Variants in WDR27 observed in about 807,000 individuals in gnomAD.
WDR27 encodes the protein WD repeat-containing protein 27.
Under a neutral mutation model 114.4 loss-of-function variants are expected in WDR27, and 100 were observed. The ratio of observed to expected loss-of-function variants is 0.87; its 90% CI spans 0.74 to 1.03. The LOEUF (loss-of-function observed/expected upper bound fraction) is 1.03, where lower values mean the gene tolerates loss of function less well. Ranked by LOEUF, WDR27 falls within the 50% of genes least tolerant of loss-of-function variation. WDR27 has a pLI of 0.00. For missense variants in WDR27, 1,129 were observed against 1,092.9 expected (o/e 1.03, Z -0.47); for synonymous variants, 449 against 423.1 (o/e 1.06, Z -0.75).
At chr6:169,588,218 T>C (rs1396136232) in intron 23 of WDR27, among the ~76,000 whole-genome samples, 1 of 152,142 alleles carries the variant, frequency 6.6e-6, no homozygotes, top group East Asian at 1.9e-4. Flanking sequence ...AGGACAGGAG[T>C]GCTGGAGGGA....
At chr6:169,632,790 G>A (rs941342434) in intron 21 of WDR27, among the ~76,000 whole-genome samples, 157 bp downstream of exon 21, 3 of 152,148 alleles carry the variant, frequency 2.0e-5, no homozygotes, top group Non-Finnish European at 2.9e-5. Context: ...ATCTCCTAGG[G>A]TCAAACATCA....
chr6:169,435,342 A>C, the WDR27 span, among the ~76,000 whole-genome samples: 2 of 152,180 alleles, frequency 1.3e-5, no homozygotes, highest in Admixed American at 1.3e-4. Flanking sequence ...AGCTGTGAGA[A>C]AAGGGACCAT....
Position 169,638,587 on chromosome 6 carries a change from C to G in WDR27, c.1821G>C (p.Gly607=). ...CACGAGCCGACCACATTCGCAGGGT[C>G]CCGTCCCGGGCCGCAGAGAGCAGCC... ...RRWLLSAARD[G]TLRMWSARGA... The change falls in exon 18 of 26, where the codon GGG becomes GGC. Residue 607 remains glycine (G), a synonymous_variant. Transcript: ENST00000448612. 6.2e-7 allele frequency: 1 copy of G among 1,610,288 alleles called. No individual in the cohort carries two copies.
rs189652264 is a variant in WDR27 at position 169,634,481 on chromosome 6, G to C, written c.2048C>G (p.Thr683Arg). 2.7e-5 allele frequency: 43 copies of C among 1,613,034 alleles called. No homozygotes were observed. The South Asian group carries it at 4.6e-4, about 17-fold the overall frequency. ...ACTGGTCATGTCTACTGCACCCGTC[G>C]TGGAGAGCCTGCAAATCAGCTTGGA... Reference protein sequence around the residue: ...SKSKLICRLSTTGAVDMTSLS... With the variant: ...SKSKLICRLSRTGAVDMTSLS... The change falls in exon 20 of 26, where the codon ACG (threonine) becomes AGG (arginine). Residue 683 changes from threonine to arginine, a missense_variant. Physicochemically the swap from Thr to Arg is moderately conservative, Grantham distance 71. Transcript: ENST00000448612.
intron 21 of WDR27, among the ~76,000 whole-genome samples, chr6:169,615,839 C>G (rs777851612): frequency 2.0e-4 from 31 of 151,956 alleles, no homozygotes; most frequent in Non-Finnish European, 3.7e-4. Context: ...ACAGAGTAAA[C>G]AGACAACCTA....
chr6:169,486,673 G>A (rs1158615908), intron 25 of WDR27, among the ~76,000 whole-genome samples: 2 of 152,100 alleles, frequency 1.3e-5, no homozygotes, highest in Non-Finnish European at 2.9e-5. Context: ...CATATTTTTA[G>A]TAGAGACGGG....
At chr6:169,620,786 T>A (rs1812933088) in intron 21 of WDR27, among the ~76,000 whole-genome samples, 1 of 152,132 alleles carries the variant, frequency 6.6e-6, no homozygotes, top group Non-Finnish European at 1.5e-5. Flanking sequence ...ATATTTTGAT[T>A]TAACAAGGGG....
At chr6:169,696,855 T>G (rs9295021) in intron 1 of WDR27, among the ~76,000 whole-genome samples, 83,590 of 152,114 alleles carry the variant, frequency 0.55, 26,866 homozygotes, top group East Asian at 0.98. Context: ...CGGAGGTTGT[T>G]GTGAGCCAAG....
At chr6:169,657,443 T>G (rs1262024255) in intron 13 of WDR27, among the ~76,000 whole-genome samples, 2 of 151,324 alleles carry the variant, frequency 1.3e-5, no homozygotes, top group South Asian at 4.2e-4. Context: ...GGCCCAAGGG[T>G]GGGGTCGCCA....
chr6:169,694,150 A>G (rs557202541), intron 1 of WDR27, among the ~76,000 whole-genome samples: 1 of 152,230 alleles, frequency 6.6e-6, no homozygotes, highest in East Asian at 1.9e-4. Flanking sequence ...TCTACTAAAA[A>G]TACAAAAATT....
chr6:169,659,418 C>T lies in WDR27; in HGVS notation c.1197+33G>A. ...GAAAGAAGAAATCAGAGGCACGTCT[C>T]ATAGACAGGGAGGGCCGCGTCTCAG... On this transcript the variant is annotated intron_variant, in intron 11 of 25. Transcript: ENST00000448612. This position sits in a 1 kb window ranked among gnomAD's most constrained non-coding sequence, Gnocchi z 4.3. The T allele has an allele frequency of 6.2e-7, 1 of 1,601,036 alleles. No individual in the cohort carries two copies. Among genetic ancestry groups the T allele is most frequent in the Non-Finnish European group, 8.5e-7 (1 of 1,173,706 alleles).
At chr6:169,681,740 G>A (rs149685440) in intron 2 of WDR27, among the ~76,000 whole-genome samples, 2 of 152,282 alleles carry the variant, frequency 1.3e-5, no homozygotes, top group Admixed American at 6.5e-5. Flanking sequence ...AGACCCACAG[G>A]GAGACTTGCC....
Position 169,564,493 on chromosome 6 carries a change from G to A in WDR27, c.2645+7926C>T, listed in dbSNP as rs117273002. On this transcript the variant is annotated intron_variant, in intron 25 of 25. Coordinates refer to ENST00000448612, the MANE Select transcript of WDR27 (RefSeq NM_182552.5). Reference sequence around the variant, plus strand: ...GGCACAGGGCAGCGGCAGGCAACACGAGGCTGTGAGAGCCTGCACTGCTTT... The same window carrying A: ...GGCACAGGGCAGCGGCAGGCAACACAAGGCTGTGAGAGCCTGCACTGCTTT... 1.3e-3 allele frequency among the ~76,000 whole-genome samples: 205 copies of A among 152,348 alleles called. 2 individuals carry two copies. The East Asian group carries it at 0.028, about 21-fold the overall frequency.
intron 23 of WDR27, among the ~76,000 whole-genome samples, chr6:169,583,300 GGAAAAAAAAAAA>G (rs1803837548): frequency 1.8e-5 from 1 of 56,828 alleles, no homozygotes. Context: ...CAAATTGAAT[GGAAAAAAAAAAA>G]AAAAAAAGAT....
intron 25 of WDR27, among the ~76,000 whole-genome samples, chr6:169,461,988 G>T (rs904927549): frequency 1.3e-5 from 2 of 151,998 alleles, no homozygotes; most frequent in African/African-American, 4.8e-5. Context: ...TAAAATCATT[G>T]TAAGAAAGTA....
intron 25 of WDR27, among the ~76,000 whole-genome samples, chr6:169,538,907 T>C (rs939609642): frequency 2.0e-5 from 3 of 152,168 alleles, no homozygotes; most frequent in African/African-American, 4.8e-5. Flanking sequence ...ACCAAATAAA[T>C]GTGTAGGCCA....
At chr6:169,486,278 G>C (rs180952582) in intron 25 of WDR27, among the ~76,000 whole-genome samples, 1 of 152,070 alleles carries the variant, frequency 6.6e-6, no homozygotes, top group East Asian at 1.9e-4. Flanking sequence ...AAGCAGTCTG[G>C]AGATTTCTCA....
chr6:169,489,217 C>T (rs147565427), intron 25 of WDR27, among the ~76,000 whole-genome samples: 7 of 152,268 alleles, frequency 4.6e-5, no homozygotes, highest in African/African-American at 1.7e-4. Context: ...GTGCATGGCA[C>T]CTGCACAGAT....
At chr6:169,678,394 C>T (rs1009424612) in intron 2 of WDR27, among the ~76,000 whole-genome samples, 10 of 152,160 alleles carry the variant, frequency 6.6e-5, no homozygotes, top group African/African-American at 1.9e-4. Context: ...CCTATAGCTC[C>T]TCTCTTTTGG....
Sources: allele counts gnomAD v4.1 joint callset (sites outside exome capture counted in the v4.1 genomes callset), GRCh38; gene constraint gnomAD v4.1.1; non-coding constraint Gnocchi (gnomAD v3.1); transcripts MANE v1.5; gene names NCBI Gene and HGNC (gene_info 2026-07-23, HGNC 2026-07-21).